Variants in CYP4F12 observed in about 807,000 individuals in gnomAD.
CYP4F12 encodes the protein cytochrome P450 4F12.
Under a neutral mutation model 56.5 loss-of-function variants are expected in CYP4F12, and 60 were observed. The observed-to-expected ratio is 1.06, with a 90% confidence interval of 0.86 to 1.32. The LOEUF (loss-of-function observed/expected upper bound fraction) is 1.32. CYP4F12 is among the 40% of genes most tolerant of loss of function. The probability of loss-of-function intolerance (pLI) is 0.00; values close to 1 mark genes in which losing one functional copy is unlikely to be tolerated. For synonymous variants in CYP4F12, 263 were observed against 264.9 expected, an observed-to-expected ratio of 0.99 and a Z score of 0.07; for missense variants, 711 against 683.5, an observed-to-expected ratio of 1.04 and a Z score of -0.45.
chr19:15,680,207 C>T (rs776349039), intron 3 of CYP4F12, 37 bp from the exon 4 acceptor site: 1 of 1,568,904 alleles, frequency 6.4e-7, no homozygotes, highest in South Asian at 1.2e-5. Context: ...CCTCTCTTGC[C>T]CTCTACATGG....
intron 9 of CYP4F12, among the ~76,000 whole-genome samples, chr19:15,695,162 C>A (rs1170427386): frequency 6.6e-6 from 1 of 152,112 alleles, no homozygotes; most frequent in East Asian, 1.9e-4. Flanking sequence ...CCATGGAATA[C>A]TATGCAGCCA....
chr19:15,694,405 G>A (rs555044436), intron 9 of CYP4F12, among the ~76,000 whole-genome samples: 2,684 of 151,660 alleles, frequency 0.018, 2 homozygotes, highest in African/African-American at 0.063. Context: ...GGTCCTTCAC[G>A]TCCCTTGTAA....
chr19:15,693,349 G>A (rs1167876541), intron 9 of CYP4F12, among the ~76,000 whole-genome samples: 2 of 152,118 alleles, frequency 1.3e-5, no homozygotes, highest in African/African-American at 4.8e-5. Context: ...TCCTTTGCTT[G>A]ATCTTAAATG....
chr19:15,688,728 C>A (rs2007736674), intron 9 of CYP4F12, among the ~76,000 whole-genome samples: 1 of 152,156 alleles, frequency 6.6e-6, no homozygotes, highest in Admixed American at 6.5e-5. Flanking sequence ...GCTACAATTA[C>A]CAAAACAGCA....
At position 15,680,277 on chromosome 19, in the gene CYP4F12, G is replaced by T; in HGVS notation, c.377G>T (p.Arg126Met). The change falls in exon 4 of 13, where the codon AGG becomes ATG. Residue 126 changes from arginine to methionine, a missense_variant. Transcript: ENST00000550308. ...GCACCCAAGGATAATCTCTTCATCA[G>T]GTTCCTGAAGCCCTGGCTGGGTGAG... is the stretch of plus-strand genomic sequence containing the variant. ...AIAPKDNLFI[R>M]FLKPWLGEGI... The T allele has an allele frequency of 6.2e-7, 1 of 1,611,162 alleles. No individual in the cohort carries two copies. The highest frequency in any genetic ancestry group is 8.5e-7 in the Non-Finnish European group (1 of 1,178,292).
intron 5 of CYP4F12, chr19:15,681,401 A>G (rs1237101130): frequency 6.6e-6 from 1 of 152,252 alleles, no homozygotes; most frequent in Non-Finnish European, 1.5e-5. Context: ...CTGATAAGTT[A>G]GCTTGTTACT....
In CYP4F12 at chr19:15,682,334, GA is replaced by G. The variant is rs558556905; in HGVS notation, c.526-54del. 1.1e-3 allele frequency: 1,721 copies of G among 1,601,728 alleles called. 21 individuals carry two copies. Among genetic ancestry groups the G allele is most frequent in the Non-Finnish European group, 1.5e-4 (174 of 1,171,778 alleles). The stretch of plus-strand genomic sequence containing the variant: ...GTCCATCCTGATGTTTGGGACTGGG[GA>G]GGGGCACAAAGGAGGCAGGGCCCAG... On this transcript the variant is annotated intron_variant, in intron 5 of 12. Transcript: ENST00000550308.
intron 9 of CYP4F12, among the ~76,000 whole-genome samples, chr19:15,695,369 G>A (rs1326458383): frequency 1.2e-3 from 159 of 127,248 alleles, no homozygotes; most frequent in Non-Finnish European, 2.1e-3. Context: ...GGGGGGAGGG[G>A]GAAGGGATAG....
Position 15,696,187 on chromosome 19 carries a change from G to C in CYP4F12, c.1276G>C (p.Gly426Arg). The part of the protein sequence containing the change: ...KGITCLIDII[G>R]VHHNPTVWPD... ...CATTACCTGCCTCATCGATATTATA[G>C]GGGTCCATCACAACCCAACTGTGTG... Residue 426 changes from glycine (G) to arginine (R), a missense_variant, in exon 11 of 13, where the codon GGG becomes CGG. By Grantham distance (125) the Gly-to-Arg change is moderately radical. Transcript: ENST00000550308. The C allele has an allele frequency of 6.2e-7, 1 of 1,614,048 alleles. No homozygotes were observed. The highest frequency in any genetic ancestry group is 1.1e-5 in the South Asian group (1 of 91,064).
At chr19:15,680,594 T>C (rs1336004005) in intron 5 of CYP4F12, 75 bp downstream of exon 5, 3 of 1,607,214 alleles carry the variant, frequency 1.9e-6, no homozygotes, top group Non-Finnish European at 2.6e-6. Context: ...GTCTGGAATT[T>C]TGGCTCTTCT....
At position 15,678,296 on chromosome 19, in the gene CYP4F12, CCA is replaced by C. The variant is rs1366758657; in HGVS notation, c.235_236del (p.Gln79AspfsTer26). On this transcript the variant is annotated frameshift_variant, in exon 3 of 13. Transcript: ENST00000550308. LOFTEE classifies it high-confidence loss of function. ...CAGAGGAGGGCTTGAAGAACTCGAC[CCA>C]GATGTCGGCCACCTATTCCCAGGGC... Reference protein sequence around the residue: ...PTEEGLKNSTQMSATYSQGFT... With the variant: ...PTEEGLKNSTXMSATYSQGFT... 1 of 1,614,054 alleles carries C rather than the reference CCA, an allele frequency of 6.2e-7. No individual in the cohort carries two copies. Among genetic ancestry groups the C allele is most frequent in the Non-Finnish European group, 8.5e-7 (1 of 1,180,032 alleles).
intron 9 of CYP4F12, among the ~76,000 whole-genome samples, chr19:15,693,097 G>A (rs1056390867): frequency 6.6e-6 from 1 of 151,940 alleles, no homozygotes; most frequent in Non-Finnish European, 1.5e-5. Context: ...AAAAGATACA[G>A]AATAGTGTCT....
Position 15,697,090 on chromosome 19 carries a change from C to G in CYP4F12, c.*5C>G, listed in dbSNP as rs753301145. On this transcript the variant is annotated 3_prime_UTR_variant, in exon 13 of 13. Coordinates refer to ENST00000550308, the MANE Select transcript of CYP4F12 (RefSeq NM_023944.4). The stretch of plus-strand genomic sequence containing the variant: ...CTGAATGTAAGCTTGCAGTGACTTT[C>G]TGACCCATCCACCTGTTTTTTTGCA... 1.7e-5 allele frequency: 28 copies of G among 1,607,688 alleles called. No homozygotes were observed. Among genetic ancestry groups the G allele is most frequent in the Non-Finnish European group, 2.2e-5 (26 of 1,175,084 alleles).
At position 15,682,537 on chromosome 19, in the gene CYP4F12, A is replaced by G. The variant is rs148751519; in HGVS notation, c.647+27A>G. On this transcript the variant is annotated intron_variant, in intron 6 of 12. Coordinates refer to ENST00000550308, the MANE Select transcript of CYP4F12 (RefSeq NM_023944.4). ...TGAGTTCCTTCCTAGGGCCTGGGAT[A>G]TGAATCCATGGACCAAAGGGAGAAA... The G allele has an allele frequency of 2.3e-3, 3,698 of 1,607,038 alleles. 2 individuals are homozygous for G. In the African/African-American group the frequency reaches 0.046, roughly 20 times the overall value.
intron 9 of CYP4F12, among the ~76,000 whole-genome samples, chr19:15,686,358 G>A (rs2007604282): frequency 6.6e-6 from 1 of 152,218 alleles, no homozygotes; most frequent in Non-Finnish European, 1.5e-5. Context: ...GTGTTTGGAT[G>A]CAGTAGTGCC....
intron 2 of CYP4F12, among the ~76,000 whole-genome samples, 162 bp from the exon 3 acceptor site, chr19:15,678,099 T>A (rs951964312): frequency 5.3e-5 from 8 of 151,354 alleles, no homozygotes; most frequent in Admixed American, 4.6e-4. Context: ...TGCACTACTA[T>A]TTCCATCCTG....
intron 3 of CYP4F12, 87 bp from the exon 4 acceptor site, chr19:15,680,157 G>A: frequency 6.6e-7 from 1 of 1,508,636 alleles, no homozygotes; most frequent in Non-Finnish European, 8.9e-7. Context: ...CATGGAGTGG[G>A]GAAAGTGCTG....
intron 9 of CYP4F12, among the ~76,000 whole-genome samples, chr19:15,688,599 GA>G (rs1173051141): frequency 6.6e-6 from 1 of 152,074 alleles, no homozygotes; most frequent in Non-Finnish European, 1.5e-5. Context: ...ACACAACTGG[GA>G]AAAGCAATTC....
Position 15,684,868 on chromosome 19 carries a change from C to A in CYP4F12, c.971C>A (p.Thr324Asn), listed in dbSNP as rs559542588. The change falls in exon 8 of 13, where the codon ACC becomes AAC. Residue 324 changes from threonine to asparagine, a missense_variant. Coordinates refer to ENST00000550308, the MANE Select transcript of CYP4F12 (RefSeq NM_023944.4). Reference sequence around the variant, plus strand: ...GAGGATATAAGAGCAGAGGCTGACACCTTCATGTTTGGAGGTGAGGGTCCC... The same window carrying A: ...GAGGATATAAGAGCAGAGGCTGACAACTTCATGTTTGGAGGTGAGGGTCCC... ...SDEDIRAEAD[T>N]FMFGGHDTTA... The A allele has an allele frequency of 2.5e-6, 4 of 1,606,862 alleles. No individual in the cohort carries two copies. In the East Asian group the frequency reaches 6.7e-5, roughly 27 times the overall value.
Sources: gnomAD v4.1 joint callset for allele counts (sites outside exome capture counted in the v4.1 genomes callset) on GRCh38, gnomAD v4.1.1 for gene constraint, MANE v1.5 for transcripts, NCBI Gene and HGNC (gene_info 2026-07-23, HGNC 2026-07-21) for gene names.